Variants in CACNA1C observed in about 807,000 individuals in gnomAD.
CACNA1C encodes voltage-dependent L-type calcium channel subunit alpha-1C.
CACNA1C carries 30 observed loss-of-function variants against 229.0 expected under a neutral mutation model. That is an observed-to-expected ratio of 0.13 (90% CI 0.10 to 0.18). CACNA1C has a LOEUF of 0.18. Ranked by LOEUF, CACNA1C falls within the 10% of genes least tolerant of loss-of-function variation. The probability of loss-of-function intolerance (pLI) is 1.00; values close to 1 mark genes in which losing one functional copy is unlikely to be tolerated. For missense variants in CACNA1C, 1,658 were observed against 2,845.0 expected (o/e 0.58, Z 9.49); for synonymous variants, 1,114 against 1,132.5 (o/e 0.98, Z 0.33).
In CACNA1C at chr12:2,255,036, G is replaced by A. The variant is rs190904475; in HGVS notation, c.477+134606G>A. ...TAAATGGAAGCAGCTGTGATTCCCC[G>A]CCCCTGTGAAGGGGCTGTGGCCCTG... On this transcript the variant is annotated intron_variant, in intron 3 of 46. Transcript: ENST00000399655. Among the ~76,000 whole-genome samples, 120 of 152,224 alleles carry A rather than the reference G, an allele frequency of 7.9e-4. 1 individual carries two copies. The highest frequency in any genetic ancestry group is 2.7e-3 in the African/African-American group (114 of 41,548).
At chr12:2,283,034 T>C (rs888656507) in intron 3 of CACNA1C, among the ~76,000 whole-genome samples, 1 of 150,968 alleles carries the variant, frequency 6.6e-6, no homozygotes, top group African/African-American at 2.4e-5. Context: ...TTTTTTTTTT[T>C]ACATAAAACA....
Position 2,693,151 on chromosome 12 carries a change from C to G in CACNA1C, c.*1952C>G, listed in dbSNP as rs969096757. The stretch of plus-strand genomic sequence containing the variant: ...TTTGCTGGGTATGTTTGTACCGCCT[C>G]TTGCTGTGAGAGACCAGGACCTATT... On this transcript the variant is annotated 3_prime_UTR_variant, in exon 47 of 47. Coordinates refer to ENST00000399655, the MANE Select transcript of CACNA1C (RefSeq NM_000719.7). 1.3e-5 allele frequency: 2 copies of G among 152,252 alleles called. No individual in the cohort carries two copies. The highest frequency in any genetic ancestry group is 4.8e-5 in the African/African-American group (2 of 41,458). 9.4% of individuals were successfully genotyped at this position (152,252 alleles called of 1,614,324 possible). A position where few individuals can be genotyped will look rare whatever the true frequency, so the allele number is the denominator to read the frequency against.
chr12:2,289,933 C>G (rs1428322201), intron 3 of CACNA1C, among the ~76,000 whole-genome samples: 4 of 152,226 alleles, frequency 2.6e-5, no homozygotes, highest in East Asian at 3.8e-4. Context: ...CCTAATTCTT[C>G]TGCTTTACAC....
intron 1 of CACNA1C, among the ~76,000 whole-genome samples, chr12:2,078,987 G>A (rs1041343433): frequency 3.6e-4 from 55 of 151,984 alleles, no homozygotes; most frequent in African/African-American, 1.3e-3. Flanking sequence ...TAGGGACATG[G>A]ATGAAGCTGG....
At chr12:2,006,644 T>A (rs1302193604) in intron 1 of CACNA1C, among the ~76,000 whole-genome samples, 1 of 152,196 alleles carries the variant, frequency 6.6e-6, no homozygotes, top group Admixed American at 6.5e-5. Context: ...ATCTTTGCAG[T>A]CACAATTTCA....
chr12:2,412,387 C>G (rs1307783926), intron 3 of CACNA1C, among the ~76,000 whole-genome samples: 1 of 152,240 alleles, frequency 6.6e-6, no homozygotes, highest in Non-Finnish European at 1.5e-5. Flanking sequence ...CTCCCTGGAT[C>G]TTTTGAGATC....
intron 3 of CACNA1C, among the ~76,000 whole-genome samples, chr12:2,399,083 A>T (rs1484644992): frequency 2.6e-5 from 4 of 151,916 alleles, no homozygotes; most frequent in Non-Finnish European, 1.5e-5. Flanking sequence ...CGGCTGCTGC[A>T]CTCTAACCCT....
chr12:2,311,472 C>T (rs2095433494), intron 3 of CACNA1C, among the ~76,000 whole-genome samples: 1 of 152,176 alleles, frequency 6.6e-6, no homozygotes, highest in Admixed American at 6.5e-5. Context: ...TCTCCCTTTA[C>T]CTTCAGAAAA....
intron 2 of CACNA1C, 86 bp downstream of exon 2, chr12:2,115,631 G>A (rs2154137463): frequency 7.4e-7 from 1 of 1,343,328 alleles, no homozygotes; most frequent in Non-Finnish European, 1.1e-6. Context: ...CACGAGCTGT[G>A]TCAGCTGTGC....
chr12:2,597,112 C>T lies in CACNA1C; in HGVS notation c.2794-118C>T. On this transcript the variant is annotated intron_variant, in intron 20 of 46. Transcript: ENST00000399655. The surrounding 1 kb of genome is among the most constrained non-coding windows in gnomAD (Gnocchi z 4.3). The stretch of plus-strand genomic sequence containing the variant: ...TGTCCCTGTGCAAAGGCTTAAGTGC[C>T]AGGCATCTCATTTTGAAGTGTGGCC... 1.4e-6 allele frequency: 1 copy of T among 703,580 alleles called. No individual in the cohort carries two copies. Among genetic ancestry groups the T allele is most frequent in the Non-Finnish European group, 2.6e-6 (1 of 389,360 alleles). 43.6% of individuals were successfully genotyped at this position (703,580 alleles called of 1,614,324 possible).
chr12:1,977,625 A>G (rs1172833123), intron 1 of CACNA1C, among the ~76,000 whole-genome samples: 3 of 152,362 alleles, frequency 2.0e-5, no homozygotes, highest in African/African-American at 7.2e-5. Flanking sequence ...AATATAAGAT[A>G]TGGTCTTTGC....
chr12:2,007,573 G>A (rs1361203086), intron 1 of CACNA1C, among the ~76,000 whole-genome samples: 2 of 152,192 alleles, frequency 1.3e-5, no homozygotes, highest in African/African-American at 4.8e-5. Context: ...TCACTGATGA[G>A]TAAGATGAAG....
intron 5 of CACNA1C, among the ~76,000 whole-genome samples, chr12:2,458,634 A>G (rs1291947175): frequency 6.6e-6 from 1 of 152,168 alleles, no homozygotes; most frequent in African/African-American, 2.4e-5. Context: ...GGACCAGATG[A>G]GTTTGGAGAT....
chr12:2,302,490 A>G (rs766626885), intron 3 of CACNA1C, among the ~76,000 whole-genome samples: 11 of 151,998 alleles, frequency 7.2e-5, no homozygotes, highest in Non-Finnish European at 1.3e-4. Flanking sequence ...AATTATTGGA[A>G]GTTCCTCCCC....
intron 1 of CACNA1C, among the ~76,000 whole-genome samples, chr12:1,973,473 A>G (rs550647570): frequency 1.3e-5 from 2 of 152,366 alleles, no homozygotes; most frequent in East Asian, 1.9e-4. Flanking sequence ...CTCTCCAACT[A>G]TAAATGAGAA....
intron 1 of CACNA1C, among the ~76,000 whole-genome samples, chr12:1,986,651 T>C (rs1282840279): frequency 2.5e-5 from 3 of 121,948 alleles, no homozygotes; most frequent in African/African-American, 1.1e-4. Flanking sequence ...AAGAGGAGTT[T>C]CTCTCAGGTT....
chr12:2,261,079 A>C (rs550214754), intron 3 of CACNA1C, among the ~76,000 whole-genome samples: 88 of 152,080 alleles, frequency 5.8e-4, no homozygotes, highest in African/African-American at 2.1e-3. Flanking sequence ...AAATACAAAA[A>C]AATTTAGCCA....
chr12:2,411,176 C>A (rs2098803433), intron 3 of CACNA1C, among the ~76,000 whole-genome samples: 2 of 152,100 alleles, frequency 1.3e-5, no homozygotes, highest in Admixed American at 6.5e-5. Flanking sequence ...TGTGGGGTAT[C>A]AGGAGCCTCA....
rs906237049 is a variant in CACNA1C, at chr12:2,285,546, C to G, written c.478-163430C>G. 6.6e-6 allele frequency among the ~76,000 whole-genome samples: 1 copy of G among 152,124 alleles called. No individual in the cohort carries two copies. Among genetic ancestry groups the G allele is most frequent in the Non-Finnish European group, 1.5e-5 (1 of 68,038 alleles). The stretch of plus-strand genomic sequence containing the variant: ...CTTAGGAGCTCTGTTCTTAAACTCT[C>G]CTTAAACACCTCCTCATCCCAGACG... On this transcript the variant is annotated intron_variant, in intron 3 of 46. Transcript: ENST00000399655. The surrounding 1 kb of genome is among the most constrained non-coding windows in gnomAD (Gnocchi z 4.2).
Sources: allele counts gnomAD v4.1 joint callset (sites outside exome capture counted in the v4.1 genomes callset), GRCh38; gene constraint gnomAD v4.1.1; non-coding constraint Gnocchi (gnomAD v3.1); transcripts MANE v1.5; gene names NCBI Gene and HGNC (gene_info 2026-07-23, HGNC 2026-07-21).